CNTNAP2: variants seen among roughly 807,000 people sequenced by gnomAD.
The protein encoded by CNTNAP2 is contactin associated protein 2.
In CNTNAP2, 98 loss-of-function variants were observed where a neutral mutation model predicts 155.2. The observed-to-expected ratio is 0.63, with a 90% CI of 0.54 to 0.75. CNTNAP2 has a LOEUF of 0.75. Among genes scored for constraint, CNTNAP2 ranks in the 30% least tolerant of loss-of-function variants. CNTNAP2 has a pLI of 0.00. For missense variants in CNTNAP2, 1,727 were observed against 1,688.1 expected, an observed-to-expected ratio of 1.02 and a Z score of -0.40; for synonymous variants, 651 against 631.2, an observed-to-expected ratio of 1.03 and a Z score of -0.47.
At chr7:147,629,237 A>G (rs1358146416) in intron 12 of CNTNAP2, among the ~76,000 whole-genome samples, 2 of 151,964 alleles carry the variant, frequency 1.3e-5, no homozygotes. Flanking sequence ...CCCTGTCTTT[A>G]CTAAAAATGC....
intron 1 of CNTNAP2, among the ~76,000 whole-genome samples, chr7:146,640,407 T>C (rs894019367): frequency 6.6e-6 from 1 of 152,194 alleles, no homozygotes; most frequent in Non-Finnish European, 1.5e-5. Context: ...ATCAATTGTC[T>C]GAAGATCTCC....
chr7:146,208,037 T>C (rs1485605790), intron 1 of CNTNAP2, among the ~76,000 whole-genome samples: 7 of 152,048 alleles, frequency 4.6e-5, no homozygotes, highest in Non-Finnish European at 1.0e-4. Flanking sequence ...GTAGAAACAG[T>C]TACCACAATT....
intron 1 of CNTNAP2, among the ~76,000 whole-genome samples, chr7:146,319,892 C>T (rs73463967): frequency 0.022 from 3,323 of 152,150 alleles, 126 homozygotes; most frequent in African/African-American, 0.076. Flanking sequence ...AGTTCTGCTA[C>T]ATGAAGGGAG....
In CNTNAP2 at chr7:147,485,924, C is replaced by G; in HGVS notation, c.1671-11C>G. On this transcript the variant is annotated splice_polypyrimidine_tract_variant and intron_variant, in intron 10 of 23. Transcript: ENST00000361727. The stretch of plus-strand genomic sequence containing the variant: ...TGTTGGTTTATTTCTGTTTGTCTCT[C>G]TCTCTGACAGATGTGTGCCCAATCA... 2 of 1,613,456 alleles carry G rather than the reference C, an allele frequency of 1.2e-6. No individual in the cohort carries two copies. Among genetic ancestry groups the G allele is most frequent in the Non-Finnish European group, 1.7e-6 (2 of 1,179,400 alleles).
At chr7:146,250,575 A>G (rs1799740493) in intron 1 of CNTNAP2, among the ~76,000 whole-genome samples, 1 of 152,134 alleles carries the variant, frequency 6.6e-6, no homozygotes, top group Admixed American at 6.5e-5. Flanking sequence ...AACCTGTCCC[A>G]TGACTTCTGC....
At chr7:146,536,240 C>T (rs1001990338) in intron 1 of CNTNAP2, among the ~76,000 whole-genome samples, 3 of 152,024 alleles carry the variant, frequency 2.0e-5, no homozygotes, top group Admixed American at 6.6e-5. Flanking sequence ...CATTCTAAGT[C>T]GTTTTTCTTT....
intron 3 of CNTNAP2, among the ~76,000 whole-genome samples, chr7:147,030,899 T>C (rs570273783): frequency 2.4e-4 from 36 of 152,264 alleles, no homozygotes; most frequent in African/African-American, 8.7e-4. Context: ...ATATATATAA[T>C]AGATATTTTT....
At chr7:147,108,438 A>T in intron 5 of CNTNAP2, 88 bp downstream of exon 5, 3 of 1,169,984 alleles carry the variant, frequency 2.6e-6, no homozygotes, top group Non-Finnish European at 3.6e-6. Flanking sequence ...TAAAATGTAA[A>T]TTATAAAAAG....
intron 3 of CNTNAP2, among the ~76,000 whole-genome samples, chr7:147,015,459 C>T (rs1188246651): frequency 3.3e-5 from 5 of 151,802 alleles, no homozygotes; most frequent in Non-Finnish European, 1.5e-5. Context: ...TTTTTAATTA[C>T]CATTTTGAAA....
At chr7:147,380,538 A>G (rs994926925) in intron 9 of CNTNAP2, among the ~76,000 whole-genome samples, 1 of 152,078 alleles carries the variant, frequency 6.6e-6, no homozygotes, top group Non-Finnish European at 1.5e-5. Flanking sequence ...ACAGGCTCCT[A>G]TTTTAGGCCA....
intron 18 of CNTNAP2, among the ~76,000 whole-genome samples, chr7:148,212,085 T>A (rs1280435146): frequency 2.0e-5 from 3 of 151,972 alleles, no homozygotes; most frequent in Non-Finnish European, 4.4e-5. Context: ...TGAAGAGCAA[T>A]TGAATAATAG....
chr7:148,081,314 G>A (rs1467020589), intron 15 of CNTNAP2, among the ~76,000 whole-genome samples: 1 of 152,140 alleles, frequency 6.6e-6, no homozygotes, highest in Non-Finnish European at 1.5e-5. Context: ...AGGATGCAAA[G>A]TATTGATCTT....
intron 13 of CNTNAP2, among the ~76,000 whole-genome samples, chr7:147,749,867 T>A (rs184792612): frequency 6.6e-6 from 1 of 152,334 alleles, no homozygotes; most frequent in African/African-American, 2.4e-5. Context: ...ATTGAAGAGA[T>A]GTACATCTTA....
At chr7:147,901,887 C>G (rs1449459001) in intron 13 of CNTNAP2, among the ~76,000 whole-genome samples, 1 of 152,154 alleles carries the variant, frequency 6.6e-6, no homozygotes, top group Non-Finnish European at 1.5e-5. Flanking sequence ...GACTATTAGG[C>G]CAAATGATAA....
chr7:146,260,981 G>A (rs1326350868), intron 1 of CNTNAP2, among the ~76,000 whole-genome samples: 3 of 152,284 alleles, frequency 2.0e-5, no homozygotes, highest in Admixed American at 6.5e-5. Context: ...CTTGGTGAGA[G>A]GTGATTGGTT....
intron 13 of CNTNAP2, among the ~76,000 whole-genome samples, chr7:147,689,850 T>G (rs542588858): frequency 6.6e-6 from 1 of 152,196 alleles, no homozygotes; most frequent in Non-Finnish European, 1.5e-5. Context: ...GGAGACAGTA[T>G]GCAGAAAAGC....
chr7:147,931,588 T>C (rs1800504885), intron 14 of CNTNAP2, among the ~76,000 whole-genome samples: 1 of 152,156 alleles, frequency 6.6e-6, no homozygotes, highest in South Asian at 2.1e-4. Context: ...AAAAAGATCA[T>C]ACACCACAAC....
intron 1 of CNTNAP2, among the ~76,000 whole-genome samples, chr7:146,738,473 TTTG>T (rs2129180651): frequency 6.6e-6 from 1 of 152,166 alleles, no homozygotes; most frequent in Admixed American, 6.5e-5. Context: ...TTCTCTTCGT[TTTG>T]TTTATTGTTC....
At chr7:147,087,227 A>AT (rs1431125232) in intron 4 of CNTNAP2, among the ~76,000 whole-genome samples, 3 of 152,182 alleles carry the variant, frequency 2.0e-5, no homozygotes, top group African/African-American at 7.2e-5. Flanking sequence ...GTTAAGTATC[A>AT]TTAGATACAG....
Sources: allele counts gnomAD v4.1 joint callset (sites outside exome capture counted in the v4.1 genomes callset), GRCh38; gene constraint gnomAD v4.1.1; transcripts MANE v1.5; gene names NCBI Gene and HGNC (gene_info 2026-07-23, HGNC 2026-07-21).